SH3KBP1: variants seen among roughly 807,000 people sequenced by gnomAD.
SH3KBP1 encodes SH3 domain containing kinase binding protein 1, also known as SH3 domain-containing kinase-binding protein 1.
SH3KBP1 carries 8 observed loss-of-function variants against 50.1 expected under a neutral mutation model. The ratio of observed to expected loss-of-function variants is 0.16; its 90% CI spans 0.09 to 0.29. The LOEUF (loss-of-function observed/expected upper bound fraction) is 0.29, where lower values mean the gene tolerates loss of function less well. Among genes scored for constraint, SH3KBP1 ranks in the 10% least tolerant of loss-of-function variants. The pLI, the probability that SH3KBP1 is intolerant of heterozygous loss-of-function variation, is 1.00. For synonymous variants in SH3KBP1, 227 were observed against 218.6 expected (o/e 1.04, Z -0.34); for missense variants, 377 against 535.2 (o/e 0.70, Z 2.92).
chrX:19,846,729 C>T (rs377290363), intron 1 of SH3KBP1, among the ~76,000 whole-genome samples: 14 of 111,623 alleles, frequency 1.3e-4, no homozygotes, highest in East Asian at 1.1e-3. Context: ...TAGAAAACAT[C>T]GCTCCCCACC....
chrX:19,756,853 C>G (rs2065222511), intron 2 of SH3KBP1, among the ~76,000 whole-genome samples: 1 of 103,170 alleles, frequency 9.7e-6, no homozygotes, highest in Admixed American at 1.1e-4. Context: ...AAGACAATCA[C>G]CAAGACATGT....
intron 16 of SH3KBP1, among the ~76,000 whole-genome samples, chrX:19,541,507 C>T (rs1228904028): frequency 8.9e-6 from 1 of 112,278 alleles, no homozygotes; most frequent in Admixed American, 9.4e-5. Context: ...AGGCCAACTG[C>T]TTCATCTGGC....
intron 12 of SH3KBP1, among the ~76,000 whole-genome samples, chrX:19,578,659 G>A (rs1284931784): frequency 8.9e-6 from 1 of 111,885 alleles, no homozygotes; most frequent in African/African-American, 3.3e-5. Context: ...GTGAGCATCC[G>A]TGTGCACAGG....
intron 3 of SH3KBP1, among the ~76,000 whole-genome samples, chrX:19,720,371 G>A (rs2148720205): frequency 9.0e-6 from 1 of 111,096 alleles, no homozygotes; most frequent in South Asian, 3.8e-4. Context: ...AGGAGAGGGA[G>A]TCTGGATTTT....
intron 8 of SH3KBP1, among the ~76,000 whole-genome samples, chrX:19,608,800 T>G (rs985283564): frequency 3.6e-5 from 4 of 112,455 alleles, no homozygotes; most frequent in Non-Finnish European, 7.5e-5. Context: ...AAAATCATAC[T>G]TTACACAAGC....
At chrX:19,621,280 G>A (rs1301341039) in intron 8 of SH3KBP1, among the ~76,000 whole-genome samples, 3 of 100,658 alleles carry the variant, frequency 3.0e-5, no homozygotes, top group African/African-American at 1.1e-4. Context: ...TAGTGGAGAC[G>A]GGGTTTCACC....
rs1396797057 is a variant in SH3KBP1, at chrX:19,841,677, A to C, written c.5-5395T>G. ...GTACTGATCATTAGAGATGGAAAGA[A>C]CATCAGATATCATCTAGTCTATTTT... On this transcript the variant is annotated intron_variant, in intron 1 of 17. Coordinates refer to ENST00000397821, the MANE Select transcript of SH3KBP1 (RefSeq NM_031892.3). 8.1e-5 allele frequency among the ~76,000 whole-genome samples: 9 copies of C among 111,662 alleles called. No individual in the cohort carries two copies. In the Admixed American group the frequency reaches 8.6e-4, roughly 11 times the overall value.
chrX:19,805,242 C>A, intron 2 of SH3KBP1, among the ~76,000 whole-genome samples: 1 of 110,849 alleles, frequency 9.0e-6, no homozygotes, highest in Non-Finnish European at 1.9e-5. Flanking sequence ...AGCATCGGCA[C>A]TTGCATTACT....
chrX:19,707,165 C>T, intron 3 of SH3KBP1, 181 bp from the exon 4 acceptor site: 1 of 542,430 alleles, frequency 1.8e-6, no homozygotes, highest in South Asian at 2.3e-5. Context: ...CAGAGCAATG[C>T]TTCTTGGTCT....
At chrX:19,872,968 G>T (rs945450009) in intron 1 of SH3KBP1, among the ~76,000 whole-genome samples, 2 of 109,178 alleles carry the variant, frequency 1.8e-5, no homozygotes, top group Admixed American at 9.9e-5. Flanking sequence ...ATTCCCATGT[G>T]CCAATTCCCT....
intron 3 of SH3KBP1, among the ~76,000 whole-genome samples, chrX:19,718,819 T>C (rs2063980627): frequency 9.0e-6 from 1 of 110,992 alleles, no homozygotes; most frequent in East Asian, 2.8e-4. Context: ...TCCACATCTG[T>C]AGCCCACATT....
chrX:19,799,448 C>T (rs2066828235), intron 2 of SH3KBP1, among the ~76,000 whole-genome samples: 2 of 111,811 alleles, frequency 1.8e-5, no homozygotes, highest in African/African-American at 3.3e-5. Flanking sequence ...AAATACCCTT[C>T]GGCTATAAAC....
At position 19,785,292 on chromosome X, in the gene SH3KBP1, C is replaced by T. The variant is rs142189769; in HGVS notation, c.163-38851G>A. Among the ~76,000 whole-genome samples the T allele has an allele frequency of 3.8e-3, 415 of 108,092 alleles. 6 individuals are homozygous for T. The highest frequency in any genetic ancestry group is 0.029 in the Admixed American group (293 of 10,049). The allele number at this position is 108,092 out of a possible 115,157, so 93.9% of individuals were successfully genotyped here. A position where few individuals can be genotyped will look rare whatever the true frequency, so the allele number is the denominator to read the frequency against. ...AAGCACTTTTGGAGGATGAGGTGAG[C>T]GGACTGCTTGAGCCCAGGAGTTGGA... is the stretch of plus-strand genomic sequence containing the variant. On this transcript the variant is annotated intron_variant, in intron 2 of 17. Transcript: ENST00000397821.
intron 4 of SH3KBP1, among the ~76,000 whole-genome samples, chrX:19,696,956 T>C (rs1569425611): frequency 9.0e-6 from 1 of 111,727 alleles, no homozygotes; most frequent in Non-Finnish European, 1.9e-5. Context: ...GGACTAGCAA[T>C]AGGTAGTATG....
chrX:19,760,400 AC>A (rs1435038153), intron 2 of SH3KBP1, among the ~76,000 whole-genome samples: 2,988 of 72,688 alleles, frequency 0.041, 116 homozygotes, highest in African/African-American at 0.12. Context: ...ATAAATAAAT[AC>A]ATACATACAT....
intron 12 of SH3KBP1, among the ~76,000 whole-genome samples, chrX:19,574,702 T>G (rs953287353): frequency 2.7e-5 from 3 of 112,583 alleles, no homozygotes; most frequent in Non-Finnish European, 5.6e-5. Context: ...TTTCGACACA[T>G]CAATTTGTGG....
chrX:19,559,300 G>A (rs1375288037), intron 13 of SH3KBP1, among the ~76,000 whole-genome samples: 54 of 69,677 alleles, frequency 7.8e-4, no homozygotes, highest in African/African-American at 1.1e-3. Context: ...AAAAAAAAAA[G>A]TAGATTAAAT....
intron 6 of SH3KBP1, among the ~76,000 whole-genome samples, chrX:19,663,954 T>C (rs948952021): frequency 8.9e-6 from 1 of 111,843 alleles, no homozygotes; most frequent in Non-Finnish European, 1.9e-5. Flanking sequence ...GGCATGGTGG[T>C]GCACACACAC....
chrX:19,575,913 T>C (rs1602528004), intron 12 of SH3KBP1, among the ~76,000 whole-genome samples: 1 of 111,851 alleles, frequency 8.9e-6, no homozygotes, highest in East Asian at 2.8e-4. Context: ...CTGCCCAGCA[T>C]GTGGGTACCA....
Sources: gnomAD v4.1 joint callset for allele counts (sites outside exome capture counted in the v4.1 genomes callset) on GRCh38, gnomAD v4.1.1 for gene constraint, MANE v1.5 for transcripts, NCBI Gene and HGNC (gene_info 2026-07-23, HGNC 2026-07-21) for gene names.